The following CHRNA5 variants were observed in gnomAD, a reference collection of about 807,000 sequenced individuals.
CHRNA5 encodes neuronal acetylcholine receptor subunit alpha-5.
In CHRNA5, 28 loss-of-function variants were observed where a neutral mutation model predicts 41.2. The ratio of observed to expected loss-of-function variants is 0.68; its 90% confidence interval spans 0.50 to 0.93. CHRNA5 has a LOEUF of 0.93. CHRNA5 is among the 40% of genes least tolerant of loss of function. CHRNA5 has a pLI of 0.00. For missense variants in CHRNA5, 481 were observed against 581.9 expected, an observed-to-expected ratio of 0.83 and a Z score of 1.78; for synonymous variants, 188 against 205.8, an observed-to-expected ratio of 0.91 and a Z score of 0.74.
intron 1 of CHRNA5, among the ~76,000 whole-genome samples, chr15:78,574,523 G>A (rs1484769361): frequency 1.3e-5 from 2 of 151,946 alleles, no homozygotes; most frequent in African/African-American, 4.8e-5. Context: ...TGATTCAGAC[G>A]AGAGTGAAGC....
chr15:78,581,083 A>C (rs2052910166), intron 2 of CHRNA5, 121 bp downstream of exon 2: 25 of 925,420 alleles, frequency 2.7e-5, no homozygotes, highest in Non-Finnish European at 3.7e-5. Flanking sequence ...CCTTTGCCTG[A>C]AGGAACTCAC....
chr15:78,566,546 GT>G (rs1204274705), intron 1 of CHRNA5, among the ~76,000 whole-genome samples: 1 of 152,186 alleles, frequency 6.6e-6, no homozygotes, highest in Non-Finnish European at 1.5e-5. Flanking sequence ...AGAAAAACAC[GT>G]TTGTGGAGCA....
At chr15:78,586,759 AG>A in intron 3 of CHRNA5, 70 bp downstream of exon 3, 12 of 1,057,780 alleles carry the variant, frequency 1.1e-5, no homozygotes, top group Non-Finnish European at 1.6e-5. Flanking sequence ...TATGTATTGT[AG>A]CAGAAATACA....
At chr15:78,582,005 C>T (rs969683750) in intron 2 of CHRNA5, among the ~76,000 whole-genome samples, 2 of 152,166 alleles carry the variant, frequency 1.3e-5, no homozygotes, top group African/African-American at 4.8e-5. Flanking sequence ...TATTTGTACA[C>T]AAATGCCTGA....
intron 2 of CHRNA5, among the ~76,000 whole-genome samples, chr15:78,582,021 T>C (rs1193603196): frequency 2.0e-5 from 3 of 152,228 alleles, no homozygotes; most frequent in South Asian, 2.1e-4. Context: ...CCTGAACGTC[T>C]CCTTTCCTTA....
intron 2 of CHRNA5, 147 bp from the exon 3 acceptor site, chr15:78,586,498 C>A: frequency 1.8e-6 from 1 of 542,568 alleles, no homozygotes; most frequent in Non-Finnish European, 3.3e-6. Flanking sequence ...GAAGAAAGAT[C>A]CTAGCTTTCT....
At chr15:78,593,356 C>A in exon 6 of CHRNA5, 2 of 1,155,042 alleles carry the variant, frequency 1.7e-6, no homozygotes, top group Non-Finnish European at 2.3e-6. Context: ...TTAGTGCAAG[C>A]TTTAACAGAC....
chr15:78,573,254 T>C (rs1172120851), intron 1 of CHRNA5, among the ~76,000 whole-genome samples: 1 of 152,146 alleles, frequency 6.6e-6, no homozygotes, highest in Non-Finnish European at 1.5e-5. Flanking sequence ...GCCCAAAATG[T>C]CCGTAGTGCC....
chr15:78,575,071 T>C (rs915261127), intron 1 of CHRNA5, among the ~76,000 whole-genome samples: 1 of 152,138 alleles, frequency 6.6e-6, no homozygotes, highest in South Asian at 2.1e-4. Flanking sequence ...GTTTTCAGCT[T>C]TGCAGTTCTG....
chr15:78,593,246 A>C lies in CHRNA5; in HGVS notation c.1400A>C (p.Asn467Thr), dbSNP rs200454752. The C allele has an allele frequency of 1.9e-6, 3 of 1,609,570 alleles. 1 individual carries two copies. Among genetic ancestry groups the C allele is most frequent in the East Asian group, 2.2e-5 (1 of 44,780 alleles). ...ATACCAGTTCATATTGGAAATGCAA[A>C]TAAGTGAAGCCTCCCAAGGGACTGA... Residue 467 changes from asparagine to threonine, a missense_variant, in exon 6 of 6, where the codon AAT becomes ACT. By Grantham distance (65) the Asn-to-Thr change is moderately conservative (BLOSUM62 0). Coordinates refer to ENST00000299565, the Ensembl canonical transcript of CHRNA5.
At chr15:78,590,901 T>G (rs1176841902) in intron 5 of CHRNA5, 4 of 430,136 alleles carry the variant, frequency 9.3e-6, no homozygotes, top group Non-Finnish European at 1.2e-5. Flanking sequence ...AAATTTAGTG[T>G]TATATTCTAA....
chr15:78,572,234 A>G (rs147336718), intron 1 of CHRNA5, among the ~76,000 whole-genome samples: 144 of 152,328 alleles, frequency 9.5e-4, no homozygotes, highest in African/African-American at 3.4e-3. Flanking sequence ...CAGCAGTTTT[A>G]CTTCTGAGAA....
chr15:78,569,410 A>C (rs1424825792), intron 1 of CHRNA5, among the ~76,000 whole-genome samples: 1 of 151,850 alleles, frequency 6.6e-6, no homozygotes, highest in Non-Finnish European at 1.5e-5. Context: ...CATGTCGACA[A>C]TTAGAGTTGT....
rs984360120 is a variant in CHRNA5 at position 78,565,746 on chromosome 15, C to T, written c.27C>T (p.Arg9=). The T allele has an allele frequency of 2.3e-5, 28 of 1,199,928 alleles. No individual in the cohort carries two copies. In the African/African-American group the frequency reaches 4.4e-4, roughly 19 times the overall value. 74.3% of individuals were successfully genotyped at this position (1,199,928 alleles called of 1,614,324 possible). The change falls in exon 1 of 6, where the codon CGC becomes CGT. Residue 9 remains arginine (R), a synonymous_variant. Coordinates refer to ENST00000299565, the Ensembl canonical transcript of CHRNA5. ...TGGCGGCGCGGGGGTCAGGGCCCCG[C>T]GCGCTCCGCCTGCTGCTCTTGGTCC...
chr15:78,575,787 T>C (rs1047712075), intron 1 of CHRNA5, among the ~76,000 whole-genome samples: 4 of 152,204 alleles, frequency 2.6e-5, no homozygotes, highest in Non-Finnish European at 5.9e-5. Context: ...TGAAGAAAAA[T>C]CATATCCAAA....
At chr15:78,589,777 A>C in intron 4 of CHRNA5, 28 bp from the exon 5 acceptor site, 3 of 1,480,328 alleles carry the variant, frequency 2.0e-6, no homozygotes, top group Non-Finnish European at 2.7e-6. Context: ...TAATTTCTGC[A>C]TTGTTATTTT....
chr15:78,572,790 G>C (rs2052818392), intron 1 of CHRNA5, among the ~76,000 whole-genome samples: 1 of 152,058 alleles, frequency 6.6e-6, no homozygotes, highest in Admixed American at 6.6e-5. Context: ...CTGGTATATA[G>C]TATTGAATGA....
chr15:78,571,027 T>C (rs926441827), intron 1 of CHRNA5, among the ~76,000 whole-genome samples: 20 of 152,240 alleles, frequency 1.3e-4, no homozygotes, highest in African/African-American at 4.8e-4. Flanking sequence ...CCAGGGCTTC[T>C]GAAACTTAGA....
intron 2 of CHRNA5, among the ~76,000 whole-genome samples, chr15:78,585,205 G>A (rs201528078): frequency 2.0e-5 from 3 of 152,100 alleles, no homozygotes; most frequent in Non-Finnish European, 2.9e-5. Flanking sequence ...GTGAGCCACC[G>A]TGCCCAGCCA....
Sources: gnomAD v4.1 joint callset for allele counts (sites outside exome capture counted in the v4.1 genomes callset) on GRCh38, gnomAD v4.1.1 for gene constraint, MANE v1.5 for transcripts, NCBI Gene and HGNC (gene_info 2026-07-23, HGNC 2026-07-21) for gene names.